The following PARD3B variants were observed in gnomAD, a reference collection of about 807,000 sequenced individuals.
The protein encoded by PARD3B is partitioning defective 3 homolog B.
In PARD3B, 103 loss-of-function variants were observed where a neutral mutation model predicts 130.2. The observed-to-expected ratio is 0.79, with a 90% CI of 0.67 to 0.93. The LOEUF (loss-of-function observed/expected upper bound fraction) is 0.93, where lower values mean the gene tolerates loss of function less well. Ranked by LOEUF, PARD3B falls within the 40% of genes least tolerant of loss-of-function variation. PARD3B has a pLI of 0.00. For missense variants in PARD3B, 1,609 were observed against 1,499.2 expected (o/e 1.07, Z -1.21); for synonymous variants, 583 against 553.2 (o/e 1.05, Z -0.76).
chr2:204,962,382 T>C (rs1053052126), intron 2 of PARD3B, among the ~76,000 whole-genome samples: 2 of 152,116 alleles, frequency 1.3e-5, no homozygotes, highest in African/African-American at 4.8e-5. Context: ...CTGCATGCCA[T>C]ACAAGTTTAC....
chr2:205,369,160 T>C lies in PARD3B; in HGVS notation c.2631-31853T>C, dbSNP rs373162129. On this transcript the variant is annotated intron_variant, in intron 18 of 22. Coordinates refer to ENST00000406610, the MANE Select transcript of PARD3B (RefSeq NM_001302769.2). Reference sequence around the variant, plus strand: ...AGTATTAAAAGAATGTGCAACTATCTACTCTCAAGATTGTGTGAAATACAT... The same window carrying C: ...AGTATTAAAAGAATGTGCAACTATCCACTCTCAAGATTGTGTGAAATACAT... Among the ~76,000 whole-genome samples, 100 of 152,330 alleles carry C rather than the reference T, an allele frequency of 6.6e-4. 4 individuals carry two copies. In the South Asian group the frequency reaches 0.021, roughly 32 times the overall value.
intron 18 of PARD3B, among the ~76,000 whole-genome samples, chr2:205,339,445 G>A (rs533065679): frequency 3.9e-5 from 6 of 152,296 alleles, no homozygotes; most frequent in African/African-American, 1.4e-4. Context: ...GCTACTAAAA[G>A]TGTGGTCTGT....
intron 1 of PARD3B, among the ~76,000 whole-genome samples, chr2:204,654,803 T>C (rs1240629074): frequency 6.6e-6 from 1 of 152,166 alleles, no homozygotes; most frequent in Non-Finnish European, 1.5e-5. Flanking sequence ...TTATTTTTTG[T>C]TTATTTCTGG....
At chr2:205,581,492 A>G (rs1291768999) in intron 22 of PARD3B, among the ~76,000 whole-genome samples, 3 of 146,790 alleles carry the variant, frequency 2.0e-5, no homozygotes, top group Middle Eastern at 3.5e-3. Context: ...AATATTCCAC[A>G]TGGTGCACAA....
At chr2:204,815,266 C>T (rs2043104391) in intron 2 of PARD3B, among the ~76,000 whole-genome samples, 1 of 151,890 alleles carries the variant, frequency 6.6e-6, no homozygotes, top group South Asian at 2.1e-4. Context: ...TAGTTTTTAT[C>T]TTTCAATAAA....
chr2:205,305,349 G>A (rs1379185761), intron 18 of PARD3B, among the ~76,000 whole-genome samples: 1 of 152,146 alleles, frequency 6.6e-6, no homozygotes, highest in Non-Finnish European at 1.5e-5. Flanking sequence ...CCTAGTGCAG[G>A]AGCTCAAATA....
chr2:204,714,634 A>G (rs1056369680), intron 2 of PARD3B, among the ~76,000 whole-genome samples: 1 of 152,230 alleles, frequency 6.6e-6, no homozygotes, highest in Non-Finnish European at 1.5e-5. Flanking sequence ...GGAAAACCAG[A>G]TACAGCGAGA....
At chr2:205,372,883 G>A (rs2044879602) in intron 18 of PARD3B, among the ~76,000 whole-genome samples, 1 of 152,196 alleles carries the variant, frequency 6.6e-6, no homozygotes, top group African/African-American at 2.4e-5. Flanking sequence ...GGAGGCTGAG[G>A]TGGGAGGATC....
intron 4 of PARD3B, among the ~76,000 whole-genome samples, chr2:205,057,541 A>G (rs56174994): frequency 0.5 from 63,496 of 128,022 alleles, 17,370 homozygotes; most frequent in Admixed American, 0.56. Flanking sequence ...ACATATATGT[A>G]TATGTGTATA....
In PARD3B at chr2:205,230,559, G is replaced by A. The variant is rs1161512756; in HGVS notation, c.2141-15219G>A. Among the ~76,000 whole-genome samples the A allele has an allele frequency of 6.6e-6, 1 of 152,144 alleles. No homozygotes were observed. The highest frequency in any genetic ancestry group is 1.5e-5 in the Non-Finnish European group (1 of 68,030). On this transcript the variant is annotated intron_variant, in intron 15 of 22. Transcript: ENST00000406610. This position sits in a 1 kb window ranked among gnomAD's most constrained non-coding sequence, Gnocchi z 4.1. ...TCTTTTCTCCTCTAGCAGAAGGCAG[G>A]AGTCTCTCCTGGAGCCGTGAGCTGC... is the stretch of plus-strand genomic sequence containing the variant.
chr2:204,749,713 A>G (rs1451650020), intron 2 of PARD3B, among the ~76,000 whole-genome samples: 1 of 152,196 alleles, frequency 6.6e-6, no homozygotes, highest in Non-Finnish European at 1.5e-5. Context: ...TTACTGGGTA[A>G]AAACATGTGG....
chr2:204,663,994 C>T (rs1408843842), intron 1 of PARD3B, among the ~76,000 whole-genome samples: 2 of 152,142 alleles, frequency 1.3e-5, no homozygotes, highest in African/African-American at 4.8e-5. Context: ...ATTGCAAAAA[C>T]TCTTTTCAGT....
intron 3 of PARD3B, among the ~76,000 whole-genome samples, chr2:205,012,200 A>T (rs185573440): frequency 2.0e-5 from 3 of 152,192 alleles, no homozygotes; most frequent in Admixed American, 1.3e-4. Context: ...TTTTGTTAAC[A>T]TCACTCATCT....
rs561035341 is a variant in PARD3B at position 205,127,339 on chromosome 2, G to A, written c.1434+1602G>A. Among the ~76,000 whole-genome samples the A allele has an allele frequency of 1.2e-4, 18 of 150,100 alleles. No individual in the cohort carries two copies. In the South Asian group the frequency reaches 3.8e-3, roughly 32 times the overall value. On this transcript the variant is annotated intron_variant, in intron 10 of 22. Transcript: ENST00000406610. ...AGGAAAAAGAAAAGAAAATTCAGAAGGGATTTTGTAGCTAATAACAAATAG... is the reference window on the plus strand; with the variant it reads ...AGGAAAAAGAAAAGAAAATTCAGAAAGGATTTTGTAGCTAATAACAAATAG...
intron 20 of PARD3B, among the ~76,000 whole-genome samples, chr2:205,451,218 C>G (rs973154008): frequency 6.6e-6 from 1 of 152,186 alleles, no homozygotes; most frequent in Non-Finnish European, 1.5e-5. Flanking sequence ...GTTTCATGTC[C>G]ACCTTCCAGG....
intron 18 of PARD3B, among the ~76,000 whole-genome samples, chr2:205,380,253 A>T (rs867755471): frequency 1.1e-4 from 3 of 26,648 alleles, no homozygotes; most frequent in Admixed American, 8.9e-4. Flanking sequence ...ATTATATATA[A>T]TATATAAAGA....
At chr2:205,059,880 T>G (rs2125452007) in intron 4 of PARD3B, among the ~76,000 whole-genome samples, 1 of 152,230 alleles carries the variant, frequency 6.6e-6, no homozygotes, top group East Asian at 1.9e-4. Flanking sequence ...CTCTTTCAAT[T>G]CCAAGTTCAT....
intron 3 of PARD3B, among the ~76,000 whole-genome samples, chr2:205,036,100 C>T (rs1023971174): frequency 1.8e-4 from 26 of 145,788 alleles, no homozygotes; most frequent in African/African-American, 6.0e-4. Flanking sequence ...ACCCACTGTG[C>T]ATGTTCAACC....
At position 205,300,432 on chromosome 2, in the gene PARD3B, T is replaced by C; in HGVS notation, c.2186-98T>C. On this transcript the variant is annotated intron_variant, in intron 16 of 22. Transcript: ENST00000406610. The surrounding 1 kb of genome is among the most constrained non-coding windows in gnomAD (Gnocchi z 4.1). ...CCAACTCCCACCCACTTAACACCCC[T>C]TTTTTGGGATGTCCAGACAGAAATA... 1 of 1,186,276 alleles carries C rather than the reference T, an allele frequency of 8.4e-7. No homozygotes were observed. The highest frequency in any genetic ancestry group is 1.5e-5 in the African/African-American group (1 of 65,932). The allele number at this position is 1,186,276 out of a possible 1,614,324, so 73.5% of individuals were successfully genotyped here.
Sources: gnomAD v4.1 joint callset for allele counts (sites outside exome capture counted in the v4.1 genomes callset) on GRCh38, gnomAD v4.1.1 for gene constraint, Gnocchi (gnomAD v3.1) non-coding constraint, MANE v1.5 for transcripts, NCBI Gene and HGNC (gene_info 2026-07-23, HGNC 2026-07-21) for gene names.